Variants in XPO6 observed in about 807,000 individuals in gnomAD.
XPO6 encodes exportin-6.
XPO6 carries 3 observed loss-of-function variants against 130.0 expected under a neutral mutation model. The ratio of observed to expected loss-of-function variants is 0.02; its 90% CI spans 0.01 to 0.06. The LOEUF (loss-of-function observed/expected upper bound fraction) is 0.06. Among genes scored for constraint, XPO6 ranks in the 10% least tolerant of loss-of-function variants. The pLI, the probability that XPO6 is intolerant of heterozygous loss-of-function variation, is 1.00. For missense variants in XPO6, 970 were observed against 1,393.0 expected (o/e 0.70, Z 4.83); for synonymous variants, 524 against 548.9 (o/e 0.95, Z 0.63).
At chr16:28,130,276 C>T (rs1321999447) in intron 12 of XPO6, among the ~76,000 whole-genome samples, 2 of 152,224 alleles carry the variant, frequency 1.3e-5, no homozygotes, top group African/African-American at 4.8e-5. Context: ...ACAAGAATCG[C>T]GGCTGGCGCC....
chr16:28,123,022 C>G (rs942189654), intron 13 of XPO6, among the ~76,000 whole-genome samples: 1 of 151,996 alleles, frequency 6.6e-6, no homozygotes, highest in African/African-American at 2.4e-5. Context: ...TGGATACTAA[C>G]GAGCATTAAA....
chr16:28,181,518 G>GTT lies in XPO6; in HGVS notation c.4-489_4-488dup, dbSNP rs35525888. Among the ~76,000 whole-genome samples, 831 of 146,268 alleles carry GTT rather than the reference G, an allele frequency of 5.7e-3. 5 individuals carry two copies. Among genetic ancestry groups the GTT allele is most frequent in the African/African-American group, 0.016 (650 of 39,820 alleles). ...GTTTGGGGGGTAACCAGGGAGAGTG[G>GTT]TTTTTTTTTTTTTAAGAGACAGGGT... On this transcript the variant is annotated intron_variant, in intron 1 of 23. Transcript: ENST00000304658.
intron 13 of XPO6, among the ~76,000 whole-genome samples, chr16:28,123,554 TTACAAA>T (rs1874159788): frequency 6.6e-6 from 1 of 152,178 alleles, no homozygotes; most frequent in Non-Finnish European, 1.5e-5. Context: ...AAGGAACTTG[TTACAAA>T]TACAAACTTG....
In XPO6 at chr16:28,187,381, T is replaced by C. The variant is rs370724829; in HGVS notation, c.4-6350A>G. On this transcript the variant is annotated intron_variant, in intron 1 of 23. Coordinates refer to ENST00000304658, the MANE Select transcript of XPO6 (RefSeq NM_015171.4). ...GAATTTTGCCCTTGGTGCTGTTCTC[T>C]GGTCATTTCAGAATGGCAAAAGTTT... is the stretch of plus-strand genomic sequence containing the variant. Among the ~76,000 whole-genome samples, 637 of 152,276 alleles carry C rather than the reference T, an allele frequency of 4.2e-3. 49 individuals are homozygous for C. In the South Asian group the frequency reaches 0.13, roughly 31 times the overall value.
At chr16:28,139,278 G>A (rs2042840979) in intron 9 of XPO6, among the ~76,000 whole-genome samples, 1 of 152,192 alleles carries the variant, frequency 6.6e-6, no homozygotes, top group Admixed American at 6.5e-5. Context: ...GGCGCCATCT[G>A]CAAGCTACCA....
chr16:28,157,736 A>G (rs8060475), intron 6 of XPO6, among the ~76,000 whole-genome samples: 8,938 of 152,324 alleles, frequency 0.059, 661 homozygotes, highest in East Asian at 0.17. Context: ...AGCAAATTAA[A>G]AGGAGTCTGA....
intron 3 of XPO6, among the ~76,000 whole-genome samples, chr16:28,176,699 G>T (rs541151377): frequency 6.7e-6 from 1 of 148,998 alleles, no homozygotes; most frequent in Non-Finnish European, 1.5e-5. Flanking sequence ...TAGTAGAGAC[G>T]GGGTTTCACC....
At position 28,106,343 on chromosome 16, in the gene XPO6, C is replaced by T. The variant is rs1397979154; in HGVS notation, c.2612+40G>A. On this transcript the variant is annotated intron_variant, in intron 19 of 23. Transcript: ENST00000304658. This position sits in a 1 kb window ranked among gnomAD's most constrained non-coding sequence, Gnocchi z 4.2. Reference sequence around the variant, plus strand: ...TTTGTCGCCAGACCCACCACTTCTCCCTTGAATCTGAAAACTATAGATGGT... The same window carrying T: ...TTTGTCGCCAGACCCACCACTTCTCTCTTGAATCTGAAAACTATAGATGGT... 3.7e-6 allele frequency: 6 copies of T among 1,608,882 alleles called. No individual in the cohort carries two copies. The highest frequency in any genetic ancestry group is 5.1e-6 in the Non-Finnish European group (6 of 1,175,406).
At position 28,113,009 on chromosome 16, in the gene XPO6, G is replaced by C. The variant is rs185543426; in HGVS notation, c.2046C>G (p.Val682=). 15 of 1,614,096 alleles carry C rather than the reference G, an allele frequency of 9.3e-6. No individual in the cohort carries two copies. In the Admixed American group the frequency reaches 2.3e-4, roughly 25 times the overall value. Residue 682 remains valine (V), a synonymous_variant, in exon 16 of 24, where the codon GTC becomes GTG. Transcript: ENST00000304658. ...KLLLSACHLL[V]SLATTVRPVF... ...CGGGCCGCACGGTGGTGGCCAGTGA[G>C]ACCAGTAAGTGGCACGCAGATAGCA...
At chr16:28,104,394 G>C (rs1213103781) in intron 21 of XPO6, 152 bp downstream of exon 21, 1 of 1,041,736 alleles carries the variant, frequency 9.6e-7, no homozygotes, top group African/African-American at 1.6e-5. Flanking sequence ...TGCAGATGAA[G>C]AAACTGAGGC....
At chr16:28,190,929 C>T (rs546959441) in intron 1 of XPO6, among the ~76,000 whole-genome samples, 8 of 152,160 alleles carry the variant, frequency 5.3e-5, no homozygotes, top group Non-Finnish European at 8.8e-5. Flanking sequence ...AAAATATTAA[C>T]GGTAGGTGAG....
intron 14 of XPO6, among the ~76,000 whole-genome samples, chr16:28,119,832 A>T (rs76261806): frequency 0.015 from 2,314 of 152,248 alleles, 154 homozygotes; most frequent in Admixed American, 0.12. Flanking sequence ...TTTACGGGTG[A>T]AGTGACATGT....
chr16:28,166,649 A>G, intron 5 of XPO6, 64 bp from the exon 6 acceptor site: 1 of 1,548,076 alleles, frequency 6.5e-7, no homozygotes, highest in Non-Finnish European at 8.7e-7. Flanking sequence ...AATCATATTT[A>G]GAGAAAGTTT....
Position 28,106,137 on chromosome 16 carries a change from T to C in XPO6, c.2690A>G (p.Gln897Arg). Residue 897 changes from glutamine (Q) to arginine (R), a missense_variant, in exon 20 of 24, where the codon CAG becomes CGG. By Grantham distance (43) the Gln-to-Arg change is conservative. This residue lies in a region of XPO6 where 936 missense variants were observed against 1,306.8 expected (regional missense o/e 0.72). Coordinates refer to ENST00000304658, the MANE Select transcript of XPO6 (RefSeq NM_015171.4). This position sits in a 1 kb window ranked among gnomAD's most constrained non-coding sequence, Gnocchi z 4.2. The part of the protein sequence containing the change: ...RVVEKFLKIL[Q>R]VVVQEPGQVF... Reference sequence around the variant, plus strand: ...CTGGCCTGGCTCCTGGACCACCACCTGCAGGATCTTCAGAAACTTCTCCAC... The same window carrying C: ...CTGGCCTGGCTCCTGGACCACCACCCGCAGGATCTTCAGAAACTTCTCCAC... 4 of 1,614,202 alleles carry C rather than the reference T, an allele frequency of 2.5e-6. No homozygotes were observed. Among genetic ancestry groups the C allele is most frequent in the South Asian group, 1.1e-5 (1 of 91,088 alleles).
chr16:28,117,703 T>C (rs2087105316), intron 14 of XPO6, among the ~76,000 whole-genome samples: 1 of 152,226 alleles, frequency 6.6e-6, no homozygotes, highest in African/African-American at 2.4e-5. Flanking sequence ...CTGAATCTTA[T>C]TCAATCTTTC....
rs113035712 is a variant in XPO6, at chr16:28,184,923, T to C, written c.4-3892A>G. Among the ~76,000 whole-genome samples the C allele has an allele frequency of 3.6e-3, 544 of 152,272 alleles. 5 individuals are homozygous for C. Among genetic ancestry groups the C allele is most frequent in the African/African-American group, 0.013 (524 of 41,552 alleles). On this transcript the variant is annotated intron_variant, in intron 1 of 23. Transcript: ENST00000304658. ...GACCCTGCAATTCTACTCCTTGATA[T>C]ATACCCAACAGAAATTTTTACATGT...
chr16:28,168,750 C>G (rs1253146625), intron 5 of XPO6, among the ~76,000 whole-genome samples: 1 of 151,010 alleles, frequency 6.6e-6, no homozygotes, highest in South Asian at 2.1e-4. Flanking sequence ...TACAGGCATG[C>G]ATCATCACAC....
intron 13 of XPO6, 35 bp downstream of exon 13, chr16:28,125,654 G>T: frequency 6.3e-7 from 1 of 1,597,304 alleles, no homozygotes; most frequent in South Asian, 1.1e-5. Flanking sequence ...GAACTCTGAA[G>T]AAGGAACAGC....
chr16:28,125,946 C>A (rs919689181), intron 12 of XPO6, 98 bp from the exon 13 acceptor site: 3 of 1,473,368 alleles, frequency 2.0e-6, no homozygotes, highest in Admixed American at 2.0e-5. Flanking sequence ...GCAAAACCAG[C>A]AGCAAAACCA....
Sources: gnomAD v4.1 joint callset for allele counts (sites outside exome capture counted in the v4.1 genomes callset) on GRCh38, gnomAD v4.1.1 for gene constraint, gnomAD v4.1.1 regional missense constraint, Gnocchi (gnomAD v3.1) non-coding constraint, MANE v1.5 for transcripts, NCBI Gene and HGNC (gene_info 2026-07-23, HGNC 2026-07-21) for gene names.